The following DAPK3 variants were observed in gnomAD, a reference collection of about 807,000 sequenced individuals.
The protein encoded by DAPK3 is death-associated protein kinase 3.
A neutral mutation model predicts 30.6 loss-of-function variants in DAPK3; 24 were observed. The ratio of observed to expected loss-of-function variants is 0.78; its 90% confidence interval spans 0.57 to 1.10. DAPK3 has a LOEUF of 1.10. DAPK3 is among the 50% of genes least tolerant of loss of function. DAPK3 has a pLI of 0.00. For synonymous variants in DAPK3, 341 were observed against 284.0 expected (o/e 1.20, Z -2.02); for missense variants, 629 against 657.3 (o/e 0.96, Z 0.47).
At chr19:3,968,904 G>T (rs1019128690) in intron 2 of DAPK3, among the ~76,000 whole-genome samples, 11 of 152,318 alleles carry the variant, frequency 7.2e-5, no homozygotes, top group Admixed American at 5.9e-4. Context: ...GTGGTGCCTG[G>T]CTAGTCTGGA....
intron 2 of DAPK3, among the ~76,000 whole-genome samples, chr19:3,967,984 T>A (rs1599183194): frequency 6.6e-6 from 1 of 152,230 alleles, no homozygotes; most frequent in South Asian, 2.1e-4. Context: ...ATACTTTTTT[T>A]AAAATTATGA....
Position 3,959,150 on chromosome 19 carries a change from C to T in DAPK3, c.1316G>A (p.Arg439His), listed in dbSNP as rs2039473095. Reference sequence around the variant, plus strand: ...CTGCAGCTTCTCCTGCTCCAGGGCGCGCACGAGGTCCTGCACGAAGCGCAT... The same window carrying T: ...CTGCAGCTTCTCCTGCTCCAGGGCGTGCACGAGGTCCTGCACGAAGCGCAT... ...SEMRFVQDLV[R>H]ALEQEKLQGV... The change falls in exon 9 of 9, where the codon CGC becomes CAC. Residue 439 changes from arginine to histidine, a missense_variant. By Grantham distance (29) the Arg-to-His change is conservative. Coordinates refer to ENST00000545797, the MANE Select transcript of DAPK3 (RefSeq NM_001348.3). 5 of 1,585,256 alleles carry T rather than the reference C, an allele frequency of 3.2e-6. No individual in the cohort carries two copies. The highest frequency in any genetic ancestry group is 2.3e-5 in the East Asian group (1 of 44,172).
intron 6 of DAPK3, chr19:3,961,614 CAG>C (rs1320166164): frequency 4.8e-5 from 21 of 441,078 alleles, no homozygotes; most frequent in South Asian, 2.1e-4. Context: ...GGGTTTTGAG[CAG>C]AGACACTGAA....
chr19:3,961,058 T>G lies in DAPK3; in HGVS notation c.733A>C (p.Ser245Arg). 6.2e-7 allele frequency: 1 copy of G among 1,613,792 alleles called. No individual in the cohort carries two copies. The highest frequency in any genetic ancestry group is 8.5e-7 in the Non-Finnish European group (1 of 1,179,946). ...CGAATGAAGTCCTTGGCCAGCTCGCTGGTGTTGCTGAAGTACTCCTCGTCG... is the reference window on the plus strand; with the variant it reads ...CGAATGAAGTCCTTGGCCAGCTCGCGGGTGTTGCTGAAGTACTCCTCGTCG... ...DFDEEYFSNT[S>R]ELAKDFIRRL... The change falls in exon 7 of 9, where the codon AGC becomes CGC. Residue 245 changes from serine to arginine, a missense_variant. Ser to Arg is a moderately radical substitution (Grantham distance 110). Coordinates refer to ENST00000545797, the MANE Select transcript of DAPK3 (RefSeq NM_001348.3).
Position 3,959,024 on chromosome 19 carries a change from G to GGCGCAGCGTCCACAGGAA in DAPK3, c.*59_*76dup. ...AAGGACAGGCACCCGGGCGATGGGA[G>GGCGCAGCGTCCACAGGAA]GCGCAGCGTCCACAGGAAGCGCCCC... On this transcript the variant is annotated 3_prime_UTR_variant, in exon 9 of 9. Transcript: ENST00000545797. 1.1e-6 allele frequency: 1 copy of GGCGCAGCGTCCACAGGAA among 942,360 alleles called. No homozygotes were observed. Among genetic ancestry groups the GGCGCAGCGTCCACAGGAA allele is most frequent in the East Asian group, 2.8e-5 (1 of 35,560 alleles). 58.4% of individuals were successfully genotyped at this position (942,360 alleles called of 1,614,324 possible). A position where few individuals can be genotyped will look rare whatever the true frequency, so the allele number is the denominator to read the frequency against.
chr19:3,959,815 G>A (rs2039484458), intron 8 of DAPK3, 178 bp from the exon 9 acceptor site: 1 of 755,776 alleles, frequency 1.3e-6, no homozygotes, highest in South Asian at 1.9e-5. Context: ...AAACGCTGCG[G>A]CCCTGGCCCC....
At chr19:3,966,000 C>T (rs1370552458) in intron 2 of DAPK3, among the ~76,000 whole-genome samples, 1 of 152,036 alleles carries the variant, frequency 6.6e-6, no homozygotes, top group African/African-American at 2.4e-5. Context: ...GCCCAGGCTG[C>T]TTTGGAACTC....
rs751158307 is a variant in DAPK3 at position 3,961,134 on chromosome 19, G to T, written c.657C>A (p.Gly219=). 5.6e-6 allele frequency: 9 copies of T among 1,612,984 alleles called. No individual in the cohort carries two copies. The South Asian group carries it at 8.8e-5, about 16-fold the overall frequency. The change falls in exon 7 of 9, where the codon GGC becomes GGA. Residue 219 remains glycine (G), a synonymous_variant. Coordinates refer to ENST00000545797, the MANE Select transcript of DAPK3 (RefSeq NM_001348.3). ...ILLSGASPFL[G]ETKQETLTNI... is the part of the protein sequence containing the mutation. Reference sequence around the variant, plus strand: ...TGGTGAGCGTCTCCTGCTTGGTCTCGCCCAGGAACGGGGATGCACCGCTCA... The same window carrying T: ...TGGTGAGCGTCTCCTGCTTGGTCTCTCCCAGGAACGGGGATGCACCGCTCA...
intron 2 of DAPK3, among the ~76,000 whole-genome samples, chr19:3,967,120 G>A (rs997947168): frequency 1.4e-4 from 22 of 152,254 alleles, no homozygotes; most frequent in African/African-American, 4.8e-4. Context: ...CCTACACACC[G>A]ACAATTTCTA....
rs1034377541 is a variant in DAPK3 at position 3,959,205 on chromosome 19, C to G, written c.1261G>C (p.Glu421Gln). Residue 421 changes from glutamate to glutamine, a missense_variant, in exon 9 of 9, where the codon GAG (glutamate) becomes CAG (glutamine). By Grantham distance (29) the Glu-to-Gln change is conservative. Transcript: ENST00000545797. ...GAGGCTACTTGCTTGGCCAGCGCCT[C>G]GTAGCGGTTCTCCAGGCGGCTGAAG... Reference protein sequence around the residue: ...RRFSRLENRYEALAKQVASEM... With the variant: ...RRFSRLENRYQALAKQVASEM... 4 of 1,600,124 alleles carry G rather than the reference C, an allele frequency of 2.5e-6. No homozygotes were observed. The African/African-American group carries it at 5.3e-5, about 21-fold the overall frequency.
Position 3,959,142 on chromosome 19 carries a change from C to G in DAPK3, c.1324G>C (p.Glu442Gln), listed in dbSNP as rs2039472790. 3 of 1,581,594 alleles carry G rather than the reference C, an allele frequency of 1.9e-6. No homozygotes were observed. Among genetic ancestry groups the G allele is most frequent in the Admixed American group, 1.7e-5 (1 of 58,204 alleles). ...TCCACGCCCTGCAGCTTCTCCTGCT[C>G]CAGGGCGCGCACGAGGTCCTGCACG... is the stretch of plus-strand genomic sequence containing the variant. The part of the protein sequence containing the change: ...RFVQDLVRAL[E>Q]QEKLQGVECG... The change falls in exon 9 of 9, where the codon GAG becomes CAG. Residue 442 changes from glutamate to glutamine, a missense_variant. By Grantham distance (29) the Glu-to-Gln change is conservative. This residue lies in a region of DAPK3 where 323 missense variants were observed against 278.8 expected (regional missense o/e 1.16). Coordinates refer to ENST00000545797, the MANE Select transcript of DAPK3 (RefSeq NM_001348.3).
At chr19:3,960,982 C>T (rs1459167310) in intron 7 of DAPK3, 27 bp downstream of exon 7, 1 of 1,610,820 alleles carries the variant, frequency 6.2e-7, no homozygotes, top group South Asian at 1.1e-5. Context: ...CATGTCCCAC[C>T]CCGTGCCCCC....
intron 7 of DAPK3, 146 bp downstream of exon 7, chr19:3,960,863 T>C: frequency 2.6e-6 from 2 of 762,990 alleles, no homozygotes; most frequent in Non-Finnish European, 4.1e-6. Context: ...GTTTATCAGT[T>C]TACTCTCTCC....
Position 3,959,320 on chromosome 19 carries a change from C to A in DAPK3, c.1146G>T (p.Arg382=). The A allele has an allele frequency of 6.3e-7, 1 of 1,593,482 alleles. No individual in the cohort carries two copies. Among genetic ancestry groups the A allele is most frequent in the South Asian group, 1.1e-5 (1 of 89,882 alleles). The change falls in exon 9 of 9, where the codon CGG becomes CGT. Residue 382 remains arginine, a synonymous_variant. Transcript: ENST00000545797. ...DSLGQDLRRL[R]QELLKTEALK... ...GCGCCTCGGTCTTGAGCAGCTCCTGCCGTAGCCTCCGCAGGTCCTGGCCCA... is the reference window on the plus strand; with the variant it reads ...GCGCCTCGGTCTTGAGCAGCTCCTGACGTAGCCTCCGCAGGTCCTGGCCCA...
chr19:3,959,996 C>G, intron 8 of DAPK3, 63 bp downstream of exon 8: 1 of 933,592 alleles, frequency 1.1e-6, no homozygotes, highest in South Asian at 1.3e-5. Context: ...TGAAGGCCCC[C>G]CGGGACCCCA....
chr19:3,966,090 G>A (rs980353437), intron 2 of DAPK3, among the ~76,000 whole-genome samples: 1 of 152,112 alleles, frequency 6.6e-6, no homozygotes, highest in Non-Finnish European at 1.5e-5. Context: ...GCCAGTATCC[G>A]CATTTTAAAG....
Position 3,959,430 on chromosome 19 carries a change from G to T in DAPK3, c.1036C>A (p.Arg346=). The change falls in exon 9 of 9, where the codon CGG becomes AGG. Residue 346 remains arginine, a synonymous_variant. Transcript: ENST00000545797. Reference sequence around the variant, plus strand: ...TCCACGTCCTCGTGGCAGAGCCGCCGGCTGCGCTGCAGCTCGCGCAGGCCC... The same window carrying T: ...TCCACGTCCTCGTGGCAGAGCCGCCTGCTGCGCTGCAGCTCGCGCAGGCCC... ...EEGLRELQRS[R]RLCHEDVEAL... 6.4e-7 allele frequency: 1 copy of T among 1,552,172 alleles called. No homozygotes were observed. The highest frequency in any genetic ancestry group is 2.4e-5 in the East Asian group (1 of 42,384).
At position 3,969,242 on chromosome 19, in the gene DAPK3, C is replaced by T. The variant is rs548579029; in HGVS notation, c.62+432G>A. 2.0e-5 allele frequency among the ~76,000 whole-genome samples: 3 copies of T among 152,280 alleles called. No homozygotes were observed. The South Asian group carries it at 6.2e-4, about 32-fold the overall frequency. ...CCTCCTCCAACTCCTGGGCTCAAGC[C>T]ATCCTCCCGTCTCAGCTTCCCTAGT... On this transcript the variant is annotated intron_variant, in intron 2 of 8. Coordinates refer to ENST00000545797, the MANE Select transcript of DAPK3 (RefSeq NM_001348.3).
In DAPK3 at chr19:3,964,975, C is replaced by A. The variant is rs763315165; in HGVS notation, c.79G>T (p.Val27Leu). 3.1e-6 allele frequency: 5 copies of A among 1,601,888 alleles called. No individual in the cohort carries two copies. The African/African-American group carries it at 5.4e-5, about 17-fold the overall frequency. The part of the protein sequence containing the change: ...EELGSGQFAI[V>L]RKCRQKGTGK... The stretch of plus-strand genomic sequence containing the variant: ...GTGCCCTTCTGCCGGCACTTCCGCA[C>A]GATCGCAAACTGGCCGCTGGAGGAG... Residue 27 changes from valine (V) to leucine (L), a missense_variant, in exon 3 of 9, where the codon GTG becomes TTG. This residue lies in a region of DAPK3 where 306 missense variants were observed against 378.5 expected (regional missense o/e 0.81). Transcript: ENST00000545797.
Sources: gnomAD v4.1 joint callset for allele counts (sites outside exome capture counted in the v4.1 genomes callset) on GRCh38, gnomAD v4.1.1 for gene constraint, gnomAD v4.1.1 regional missense constraint, MANE v1.5 for transcripts, NCBI Gene and HGNC (gene_info 2026-07-23, HGNC 2026-07-21) for gene names.